The following SPATA31D1 variants were observed in gnomAD, a reference collection of about 807,000 sequenced individuals.
SPATA31D1 encodes spermatogenesis-associated protein 31D1.
In SPATA31D1, 6 loss-of-function variants were observed where a neutral mutation model predicts 13.2. The ratio of observed to expected loss-of-function variants is 0.46; its 90% CI spans 0.25 to 0.90. The LOEUF is 0.90. SPATA31D1 is among the 40% of genes least tolerant of loss of function. The pLI, the probability that SPATA31D1 is intolerant of heterozygous loss-of-function variation, is 0.18. For synonymous variants in SPATA31D1, 903 were observed against 718.8 expected, an observed-to-expected ratio of 1.26 and a Z score of -4.10; for missense variants, 2,445 against 1,884.7, an observed-to-expected ratio of 1.30 and a Z score of -5.50.
rs1825005603 is a variant in SPATA31D1 at position 81,992,869 on chromosome 9, A to C, written c.2399A>C (p.Asn800Thr). ...TCTTCAGACAAGGATCTGAGGTCTA[A>C]CTCTGAGAGAGACCTAGAAACTCAT... ...ETSSDKDLRSNSERDLETHMM... is the reference protein window; with the variant it reads ...ETSSDKDLRSTSERDLETHMM... The change falls in exon 4 of 4, where the codon AAC becomes ACC. Residue 800 changes from asparagine (N) to threonine (T), a missense_variant. Physicochemically the swap from Asn to Thr is moderately conservative, Grantham distance 65. Transcript: ENST00000344803. 6.2e-7 allele frequency: 1 copy of C among 1,613,694 alleles called. No individual in the cohort carries two copies. Among genetic ancestry groups the C allele is most frequent in the South Asian group, 1.1e-5 (1 of 91,080 alleles).
rs376549982 is a variant in SPATA31D1 at position 81,991,636 on chromosome 9, T to G, written c.1166T>G (p.Phe389Cys). The change falls in exon 4 of 4, where the codon TTT becomes TGT. Residue 389 changes from phenylalanine to cysteine, a missense_variant. By Grantham distance (205) the Phe-to-Cys change is radical. Coordinates refer to ENST00000344803, the MANE Select transcript of SPATA31D1 (RefSeq NM_001001670.3). ...CTTACCCTTCATTCTTCTGAGGCCTTTTTAGGGGGGCACTCTGTGGCCAAC... is the reference window on the plus strand; with the variant it reads ...CTTACCCTTCATTCTTCTGAGGCCTGTTTAGGGGGGCACTCTGTGGCCAAC... ...ELLTLHSSEAFLGGHSVANLI... is the reference protein window; with the variant it reads ...ELLTLHSSEACLGGHSVANLI... The G allele has an allele frequency of 5.8e-5, 94 of 1,613,882 alleles. No homozygotes were observed. Among genetic ancestry groups the G allele is most frequent in the Non-Finnish European group, 7.9e-5 (93 of 1,179,862 alleles).
chr9:81,989,688 G>T lies in SPATA31D1; in HGVS notation c.187-90G>T, dbSNP rs570313425. 58 of 644,990 alleles carry T rather than the reference G, an allele frequency of 9.0e-5. No individual in the cohort carries two copies. The African/African-American group carries it at 3.2e-3, about 35-fold the overall frequency. 40.0% of individuals were successfully genotyped at this position (644,990 alleles called of 1,614,324 possible). ...TTAAAGAGTAATATTCTTGTATAAT[G>T]AATGAATGAATGAATGAATGAATGA... On this transcript the variant is annotated intron_variant, in intron 1 of 3. Coordinates refer to ENST00000344803, the MANE Select transcript of SPATA31D1 (RefSeq NM_001001670.3).
rs200318604 is a variant in SPATA31D1, at chr9:81,993,974, C to A, written c.3504C>A (p.Ser1168Arg). 5.9e-4 allele frequency: 954 copies of A among 1,613,860 alleles called. 6 individuals are homozygous for A. In the African/African-American group the frequency reaches 0.01, roughly 17 times the overall value. Residue 1168 changes from serine to arginine, a missense_variant, in exon 4 of 4, where the codon AGC (serine) becomes AGA (arginine). Transcript: ENST00000344803. ...ACTTGACAACCAGCAAGTCAGGAAG[C>A]TGCTCACTGACAAATGTGAAAGCAA... ...RNNLTTSKSGSCSLTNVKAST... is the reference protein window; with the variant it reads ...RNNLTTSKSGRCSLTNVKAST...
At position 81,992,961 on chromosome 9, in the gene SPATA31D1, A is replaced by G. The variant is rs771466098; in HGVS notation, c.2491A>G (p.Thr831Ala). 6.2e-7 allele frequency: 1 copy of G among 1,613,740 alleles called. No individual in the cohort carries two copies. Among genetic ancestry groups the G allele is most frequent in the Non-Finnish European group, 8.5e-7 (1 of 1,179,710 alleles). The change falls in exon 4 of 4, where the codon ACA becomes GCA. Residue 831 changes from threonine (T) to alanine (A), a missense_variant. By Grantham distance (58) the Thr-to-Ala change is moderately conservative. Coordinates refer to ENST00000344803, the MANE Select transcript of SPATA31D1 (RefSeq NM_001001670.3). ...LGQKQLENALTVRLSKKFEEI... is the reference protein window; with the variant it reads ...LGQKQLENALAVRLSKKFEEI... Reference sequence around the variant, plus strand: ...TCAGAAACAACTTGAAAATGCCCTGACAGTACGTTTGAGCAAGAAATTTGA... The same window carrying G: ...TCAGAAACAACTTGAAAATGCCCTGGCAGTACGTTTGAGCAAGAAATTTGA...
intron 2 of SPATA31D1, 166 bp downstream of exon 2, chr9:81,989,989 C>T: frequency 1.4e-6 from 1 of 725,662 alleles, no homozygotes; most frequent in South Asian, 1.9e-5. Context: ...TGAGACACTG[C>T]TCAGAGGCCC....
Position 81,994,537 on chromosome 9 carries a change from C to T in SPATA31D1, c.4067C>T (p.Thr1356Ile), listed in dbSNP as rs778410693. 1 of 1,613,438 alleles carries T rather than the reference C, an allele frequency of 6.2e-7. No homozygotes were observed. The highest frequency in any genetic ancestry group is 1.1e-5 in the South Asian group (1 of 90,932). The change falls in exon 4 of 4, where the codon ACC (threonine) becomes ATC (isoleucine). Residue 1356 changes from threonine (T) to isoleucine (I), a missense_variant. Coordinates refer to ENST00000344803, the MANE Select transcript of SPATA31D1 (RefSeq NM_001001670.3). ...AACCTTTTCAGAAAATGGATGAAGA[C>T]CTCTTTGCAGTGGTTTAATAAACCC... ...PENLFRKWMK[T>I]SLQWFNKPSI...
Position 81,991,362 on chromosome 9 carries a change from C to A in SPATA31D1, c.892C>A (p.Pro298Thr), listed in dbSNP as rs372238180. 6.2e-7 allele frequency: 1 copy of A among 1,614,032 alleles called. No homozygotes were observed. Among genetic ancestry groups the A allele is most frequent in the African/African-American group, 1.3e-5 (1 of 75,058 alleles). ...PIDSCARHHG[P>T]PIPSALPPED... Reference sequence around the variant, plus strand: ...TGATTCTTGTGCTCGTCATCACGGACCACCAATCCCATCTGCTTTACCACC... The same window carrying A: ...TGATTCTTGTGCTCGTCATCACGGAACACCAATCCCATCTGCTTTACCACC... Residue 298 changes from proline (P) to threonine (T), a missense_variant, in exon 4 of 4, where the codon CCA (proline) becomes ACA (threonine). By Grantham distance (38) the Pro-to-Thr change is conservative. Coordinates refer to ENST00000344803, the MANE Select transcript of SPATA31D1 (RefSeq NM_001001670.3).
In SPATA31D1 at chr9:81,995,235, A is replaced by G. The variant is rs1403202509; in HGVS notation, c.*34A>G. 5.5e-6 allele frequency: 8 copies of G among 1,465,610 alleles called. No homozygotes were observed. In the Admixed American group the frequency reaches 7.1e-5, roughly 13 times the overall value. The allele number at this position is 1,465,610 out of a possible 1,614,324, so 90.8% of individuals were successfully genotyped here. A position where few individuals can be genotyped will look rare whatever the true frequency, so the allele number is the denominator to read the frequency against. ...TTGTTGAGAATCTTGATTCTCCCCA[A>G]TAAATGTTCCAATAAGAAGGATGTC... is the stretch of plus-strand genomic sequence containing the variant. On this transcript the variant is annotated 3_prime_UTR_variant, in exon 4 of 4. Coordinates refer to ENST00000344803, the MANE Select transcript of SPATA31D1 (RefSeq NM_001001670.3).
Position 81,992,437 on chromosome 9 carries a change from A to T in SPATA31D1, c.1967A>T (p.Asn656Ile), listed in dbSNP as rs369669501. The T allele has an allele frequency of 6.2e-7, 1 of 1,612,732 alleles. No individual in the cohort carries two copies. Among genetic ancestry groups the T allele is most frequent in the African/African-American group, 1.3e-5 (1 of 74,904 alleles). ...SQEDFCPPAPNPELVRKSFKV... is the reference protein window; with the variant it reads ...SQEDFCPPAPIPELVRKSFKV... Reference sequence around the variant, plus strand: ...GAAGACTTTTGTCCTCCAGCTCCCAATCCTGAATTGGTCAGAAAGTCCTTC... The same window carrying T: ...GAAGACTTTTGTCCTCCAGCTCCCATTCCTGAATTGGTCAGAAAGTCCTTC... Residue 656 changes from asparagine (N) to isoleucine (I), a missense_variant, in exon 4 of 4, where the codon AAT (asparagine) becomes ATT (isoleucine). Physicochemically the swap from Asn to Ile is moderately radical, Grantham distance 149. Transcript: ENST00000344803.
chr9:81,993,857 G>C lies in SPATA31D1; in HGVS notation c.3387G>C (p.Lys1129Asn). Reference sequence around the variant, plus strand: ...GAGCTGGCTGTGAGTCATGGGATAAGAGAAAGAGTTCCTTTCATAATGTAG... The same window carrying C: ...GAGCTGGCTGTGAGTCATGGGATAACAGAAAGAGTTCCTTTCATAATGTAG... ...QAGAGCESWD[K>N]RKSSFHNVDR... The change falls in exon 4 of 4, where the codon AAG becomes AAC. Residue 1129 changes from lysine (K) to asparagine (N), a missense_variant. Physicochemically the swap from Lys to Asn is moderately conservative, Grantham distance 94. Transcript: ENST00000344803. The C allele has an allele frequency of 6.2e-7, 1 of 1,613,972 alleles. No individual in the cohort carries two copies. The highest frequency in any genetic ancestry group is 8.5e-7 in the Non-Finnish European group (1 of 1,179,886).
rs1473627579 is a variant in SPATA31D1, at chr9:81,994,371, G to A, written c.3901G>A (p.Gly1301Arg). The change falls in exon 4 of 4, where the codon GGA becomes AGA. Residue 1301 changes from glycine to arginine, a missense_variant. Transcript: ENST00000344803. ...CAGAGTGAGTCCTGTGAGACCCAAA[G>A]GAGGAGAGCTTGATGGAGGGGATGC... ...VNRVSPVRPKGGELDGGDAGL... is the reference protein window; with the variant it reads ...VNRVSPVRPKRGELDGGDAGL... The A allele has an allele frequency of 1.2e-6, 2 of 1,613,842 alleles. No individual in the cohort carries two copies. Among genetic ancestry groups the A allele is most frequent in the Non-Finnish European group, 1.7e-6 (2 of 1,179,872 alleles).
rs1587528043 is a variant in SPATA31D1 at position 81,990,993 on chromosome 9, A to C, written c.523A>C (p.Thr175Pro). ...TGAGTCATCGTTCACTCTGGCTTCC[A>C]CCCCCTCAGCAACCCCTCCAGAAGA... ...ATESSFTLAS[T>P]PSATPPEDLI... The change falls in exon 4 of 4, where the codon ACC becomes CCC. Residue 175 changes from threonine (T) to proline (P), a missense_variant. Physicochemically the swap from Thr to Pro is conservative, Grantham distance 38. Transcript: ENST00000344803. 6.2e-7 allele frequency: 1 copy of C among 1,612,846 alleles called. No individual in the cohort carries two copies. Among genetic ancestry groups the C allele is most frequent in the East Asian group, 2.2e-5 (1 of 44,824 alleles).
At position 81,990,944 on chromosome 9, in the gene SPATA31D1, T is replaced by G. The variant is rs1253420547; in HGVS notation, c.474T>G (p.Pro158=). 6.2e-7 allele frequency: 1 copy of G among 1,613,948 alleles called. No homozygotes were observed. The highest frequency in any genetic ancestry group is 1.7e-5 in the Admixed American group (1 of 60,018). ...AAGATGCTGCTCCCTCTGTGTCCCC[T>G]TTGGCTTCTTCGGCTTCTGCGACTG... ...SLKDAAPSVS[P]LASSASATES... Residue 158 remains proline, a synonymous_variant, in exon 4 of 4, where the codon CCT becomes CCG. Transcript: ENST00000344803.
rs1564176419 is a variant in SPATA31D1, at chr9:81,994,880, T to TA, written c.4411dup (p.Thr1471AsnfsTer20). On this transcript the variant is annotated frameshift_variant, in exon 4 of 4. Coordinates refer to ENST00000344803, the MANE Select transcript of SPATA31D1 (RefSeq NM_001001670.3). LOFTEE classifies it low-confidence loss of function (END_TRUNC). Reference sequence around the variant, plus strand: ...GGGCTCCCTCCTGCAAAGTGACACGTACCAAATCTTGCAGCCAACAAGCTA... The same window carrying TA: ...GGGCTCCCTCCTGCAAAGTGACACGTAACCAAATCTTGCAGCCAACAAGCTA... The TA allele has an allele frequency of 6.2e-7, 1 of 1,613,978 alleles. No homozygotes were observed. The highest frequency in any genetic ancestry group is 8.5e-7 in the Non-Finnish European group (1 of 1,179,882).
Position 81,994,699 on chromosome 9 carries a change from G to C in SPATA31D1, c.4229G>C (p.Arg1410Thr), listed in dbSNP as rs1825061042. 1 of 1,613,534 alleles carries C rather than the reference G, an allele frequency of 6.2e-7. No homozygotes were observed. The highest frequency in any genetic ancestry group is 1.3e-5 in the African/African-American group (1 of 74,884). Residue 1410 changes from arginine to threonine, a missense_variant, in exon 4 of 4, where the codon AGG (arginine) becomes ACG (threonine). Physicochemically the swap from Arg to Thr is moderately conservative, Grantham distance 71 (BLOSUM62 -1). Coordinates refer to ENST00000344803, the MANE Select transcript of SPATA31D1 (RefSeq NM_001001670.3). ...GCTCAGAAAATTAGGAAAGACACTA[G>C]GGAGTTCCTAGAAGAGAAGCTGGGG... ...TEAQKIRKDT[R>T]EFLEEKLGHR...
rs755241378 is a variant in SPATA31D1 at position 81,994,364 on chromosome 9, AC to A, written c.3897del (p.Gly1301GlufsTer40). ...CTGTAAACAGAGTGAGTCCTGTGAG[AC>A]CCAAAGGAGGAGAGCTTGATGGAGG... ...PAVNRVSPVRPKGGELDGGDA... is the reference protein window; with the variant it reads ...PAVNRVSPVRXKGGELDGGDA... On this transcript the variant is annotated frameshift_variant, in exon 4 of 4. Coordinates refer to ENST00000344803, the MANE Select transcript of SPATA31D1 (RefSeq NM_001001670.3). LOFTEE classifies it low-confidence loss of function (END_TRUNC). 1.9e-6 allele frequency: 3 copies of A among 1,613,928 alleles called. No individual in the cohort carries two copies. Among genetic ancestry groups the A allele is most frequent in the Non-Finnish European group, 2.5e-6 (3 of 1,179,872 alleles).
rs147265582 is a variant in SPATA31D1 at position 81,990,371 on chromosome 9, A to G, written c.233-46A>G. On this transcript the variant is annotated intron_variant, in intron 2 of 3. Transcript: ENST00000344803. ...GGGTCTTCCACAGATTGACTTCTGT[A>G]TGAGCCGTGTGCCTCTATCTTCATT... 6.4e-5 allele frequency: 92 copies of G among 1,441,984 alleles called. No individual in the cohort carries two copies. In the African/African-American group the frequency reaches 1.2e-3, roughly 18 times the overall value. The allele number at this position is 1,441,984 out of a possible 1,614,324, so 89.3% of individuals were successfully genotyped here.
intron 1 of SPATA31D1, 63 bp from the exon 2 acceptor site, chr9:81,989,715 T>G (rs1824914757): frequency 5.2e-4 from 748 of 1,435,038 alleles, no homozygotes; most frequent in Non-Finnish European, 6.7e-4. Context: ...AATGAATGAA[T>G]GAGCTTCATA....
At position 81,994,147 on chromosome 9, in the gene SPATA31D1, C is replaced by G. The variant is rs1272860563; in HGVS notation, c.3677C>G (p.Ser1226Cys). The G allele has an allele frequency of 3.1e-6, 5 of 1,613,870 alleles. No individual in the cohort carries two copies. The Admixed American group carries it at 8.3e-5, about 27-fold the overall frequency. Reference protein sequence around the residue: ...SQPQSHFTDMSFALDNLSSKD... With the variant: ...SQPQSHFTDMCFALDNLSSKD... ...CCTCAGAGCCATTTCACTGACATGT[C>G]TTTTGCCTTAGATAACTTGAGTTCC... The change falls in exon 4 of 4, where the codon TCT (serine) becomes TGT (cysteine). Residue 1226 changes from serine (S) to cysteine (C), a missense_variant. Physicochemically the swap from Ser to Cys is moderately radical, Grantham distance 112 (BLOSUM62 -1). Coordinates refer to ENST00000344803, the MANE Select transcript of SPATA31D1 (RefSeq NM_001001670.3).
Sources: gnomAD v4.1 joint callset for allele counts on GRCh38, gnomAD v4.1.1 for gene constraint, MANE v1.5 for transcripts, NCBI Gene and HGNC (gene_info 2026-07-23, HGNC 2026-07-21) for gene names.